OR2L13: variants seen among roughly 807,000 people sequenced by gnomAD.
OR2L13 encodes olfactory receptor 2L13.
In OR2L13, 14 loss-of-function variants were observed where a neutral mutation model predicts 15.3. The ratio of observed to expected loss-of-function variants is 0.91; its 90% CI spans 0.60 to 1.43. The LOEUF is 1.43. Ranked by LOEUF, OR2L13 falls within the 40% of genes most tolerant of loss-of-function variation. OR2L13 has a pLI of 0.00. For synonymous variants in OR2L13, 152 were observed against 142.9 expected, an observed-to-expected ratio of 1.06 and a Z score of -0.45; for missense variants, 367 against 387.9, an observed-to-expected ratio of 0.95 and a Z score of 0.45.
At chr1:248,094,885 A>G (rs1169478615), upstream of OR2L13, among the ~76,000 whole-genome samples, 1 of 152,216 alleles carries the variant, frequency 6.6e-6, no homozygotes, top group Non-Finnish European at 1.5e-5. Context: ...ACATGATGAC[A>G]GAATTTCCAT....
At chr1:247,972,569 A>T in the OR2L13 span, among the ~76,000 whole-genome samples, 5 of 152,310 alleles carry the variant, frequency 3.3e-5, no homozygotes, top group South Asian at 6.2e-4. Context: ...AACCAGGAAG[A>T]AGTCGAATCC....
chr1:248,060,992 C>T, the OR2L13 span: 272,808 of 1,610,420 alleles, frequency 0.17, 33,544 homozygotes, highest in African/African-American at 0.65. Flanking sequence ...TTCTTCTTCT[C>T]GGCATTAGGA....
chr1:248,067,852 C>A, the OR2L13 span, among the ~76,000 whole-genome samples: 1 of 152,062 alleles, frequency 6.6e-6, no homozygotes, highest in Non-Finnish European at 1.5e-5. Context: ...TATCCCACAC[C>A]TGGCTCGGAG....
At chr1:248,003,867 T>G in the OR2L13 span, 7 of 1,612,526 alleles carry the variant, frequency 4.3e-6, no homozygotes, top group South Asian at 7.7e-5. Context: ...CACCTCACTG[T>G]AGTAACTTTC....
the OR2L13 span, among the ~76,000 whole-genome samples, chr1:248,074,688 G>A: frequency 6.6e-6 from 1 of 152,166 alleles, no homozygotes; most frequent in Non-Finnish European, 1.5e-5. Context: ...AGAGGTTAAG[G>A]AGAGGGAGAT....
At chr1:248,022,349 T>C in the OR2L13 span, 1 of 1,614,130 alleles carries the variant, frequency 6.2e-7, no homozygotes, top group African/African-American at 1.3e-5. Context: ...ATCCCATCCG[T>C]ATGAGCAAAA....
At chr1:248,060,999 A>G in the OR2L13 span, 1 of 1,613,960 alleles carries the variant, frequency 6.2e-7, no homozygotes, top group Admixed American at 1.7e-5. Context: ...TCTCGGCATT[A>G]GGAGGTGCAG....
the OR2L13 span, among the ~76,000 whole-genome samples, chr1:247,984,492 A>G: frequency 6.6e-6 from 1 of 152,304 alleles, no homozygotes; most frequent in Non-Finnish European, 1.5e-5. Context: ...AACTACTAAT[A>G]TAAATTACAT....
chr1:248,022,766 G>A, the OR2L13 span: 1 of 1,613,958 alleles, frequency 6.2e-7, no homozygotes, highest in Non-Finnish European at 8.5e-7. Context: ...ACAAGGTTCT[G>A]GCTGTTTTCT....
At chr1:248,099,698 G>A (rs781137222) in exon 3 of OR2L13, 1 of 1,614,058 alleles carries the variant, frequency 6.2e-7, no homozygotes, top group Non-Finnish European at 8.5e-7. Flanking sequence ...ACCATGGCGT[G>A]TTCTGAAGGC....
chr1:248,026,226 C>T, the OR2L13 span, among the ~76,000 whole-genome samples: 1 of 152,220 alleles, frequency 6.6e-6, no homozygotes, highest in Non-Finnish European at 1.5e-5. Context: ...CAAACTACAA[C>T]AGTGATGAAT....
the OR2L13 span, among the ~76,000 whole-genome samples, chr1:248,048,491 A>G: frequency 6.6e-6 from 1 of 152,134 alleles, no homozygotes; most frequent in African/African-American, 2.4e-5. Flanking sequence ...GTCCTTGTCT[A>G]TACTCCAGAA....
the OR2L13 span, among the ~76,000 whole-genome samples, chr1:247,963,714 T>G: frequency 6.6e-6 from 1 of 152,200 alleles, no homozygotes; most frequent in East Asian, 1.9e-4. Flanking sequence ...TAGGCTGATT[T>G]TCTTTCCAAT....
the OR2L13 span, among the ~76,000 whole-genome samples, chr1:247,996,189 G>C: frequency 6.6e-6 from 1 of 152,118 alleles, no homozygotes; most frequent in Admixed American, 6.6e-5. Flanking sequence ...ATGGGCAATT[G>C]AACCCTGTGG....
At chr1:247,967,045 C>CACCACACACACACACACACA in the OR2L13 span, among the ~76,000 whole-genome samples, 1 of 147,510 alleles carries the variant, frequency 6.8e-6, no homozygotes, top group South Asian at 2.2e-4. Flanking sequence ...ACACCACACA[C>CACCACACACACACACACACA]CACACACACA....
the OR2L13 span, chr1:247,966,476 T>C: frequency 2.0e-3 from 1,562 of 800,720 alleles, 19 homozygotes; most frequent in African/African-American, 0.023. Context: ...TCAGGCTTCT[T>C]AAATCTGTGT....
At chr1:248,067,414 A>T in the OR2L13 span, among the ~76,000 whole-genome samples, 3 of 151,932 alleles carry the variant, frequency 2.0e-5, no homozygotes, top group East Asian at 5.8e-4. Context: ...TCCAGGAAAA[A>T]CTCCTAAGTA....
the OR2L13 span, chr1:247,975,610 A>G: frequency 3.1e-6 from 4 of 1,311,442 alleles, no homozygotes; most frequent in Non-Finnish European, 4.4e-6. Context: ...CAGGGAGGTG[A>G]TGGGGGCCCT....
At chr1:248,038,802 G>T in the OR2L13 span, 1 of 1,614,106 alleles carries the variant, frequency 6.2e-7, no homozygotes, top group Non-Finnish European at 8.5e-7. Flanking sequence ...TTTTTTCTGT[G>T]ATGTTCCAGC....
Sources: allele counts gnomAD v4.1 joint callset (sites outside exome capture counted in the v4.1 genomes callset), GRCh38; gene constraint gnomAD v4.1.1; transcripts MANE v1.5; gene names NCBI Gene and HGNC (gene_info 2026-07-23, HGNC 2026-07-21).